The following CELSR1 variants were observed in gnomAD, a reference collection of about 807,000 sequenced individuals.
CELSR1 encodes adhesion G protein-coupled receptor C1.
In CELSR1, 110 loss-of-function variants were observed where a neutral mutation model predicts 249.1. The ratio of observed to expected loss-of-function variants is 0.44; its 90% confidence interval spans 0.38 to 0.52. The LOEUF (loss-of-function observed/expected upper bound fraction) is 0.52, where lower values mean the gene tolerates loss of function less well. Ranked by LOEUF, CELSR1 falls within the 20% of genes least tolerant of loss-of-function variation. The pLI, the probability that CELSR1 is intolerant of heterozygous loss-of-function variation, is 0.00. For missense variants in CELSR1, 4,109 were observed against 4,296.4 expected (o/e 0.96, Z 1.22); for synonymous variants, 2,113 against 1,900.0 (o/e 1.11, Z -2.92).
intron 2 of CELSR1, among the ~76,000 whole-genome samples, chr22:46,442,613 G>A (rs545989534): frequency 6.6e-6 from 1 of 152,374 alleles, no homozygotes; most frequent in South Asian, 2.1e-4. Flanking sequence ...GAGTTCAGTC[G>A]TTTTAGGAAA....
rs1483887307 is a variant in CELSR1, at chr22:46,434,716, G to T, written c.4523-1235C>A. 6.6e-6 allele frequency among the ~76,000 whole-genome samples: 1 copy of T among 152,210 alleles called. No individual in the cohort carries two copies. Among genetic ancestry groups the T allele is most frequent in the Non-Finnish European group, 1.5e-5 (1 of 68,038 alleles). ...CACTCCTGAAAGTCAAGTGTGCCAG[G>T]CTGAGCCTGGTGGCTCACATCTGTA... On this transcript the variant is annotated intron_variant, in intron 4 of 34. Coordinates refer to ENST00000674500, the MANE Select transcript of CELSR1 (RefSeq NM_001378328.1). This position sits in a 1 kb window ranked among gnomAD's most constrained non-coding sequence, Gnocchi z 4.9.
At chr22:46,416,638 G>A (rs573377017) in intron 5 of CELSR1, among the ~76,000 whole-genome samples, 1 of 152,310 alleles carries the variant, frequency 6.6e-6, no homozygotes, top group South Asian at 2.1e-4. Flanking sequence ...GCAGCCACCT[G>A]AGAAAAAACC....
In CELSR1 at chr22:46,441,365, C is replaced by T. The variant is rs959821128; in HGVS notation, c.4184-1954G>A. Among the ~76,000 whole-genome samples the T allele has an allele frequency of 3.3e-5, 5 of 152,030 alleles. No homozygotes were observed. The highest frequency in any genetic ancestry group is 5.9e-5 in the Non-Finnish European group (4 of 67,998). On this transcript the variant is annotated intron_variant, in intron 2 of 34. Transcript: ENST00000674500. This position sits in a 1 kb window ranked among gnomAD's most constrained non-coding sequence, Gnocchi z 6.1. Reference sequence around the variant, plus strand: ...CCCCGAGAGGCCTCCAACCACGCTCCGGACGGCCAGTGGGATTCACACAGC... The same window carrying T: ...CCCCGAGAGGCCTCCAACCACGCTCTGGACGGCCAGTGGGATTCACACAGC...
intron 2 of CELSR1, 142 bp downstream of exon 2, chr22:46,463,565 T>C: frequency 1.3e-6 from 1 of 772,506 alleles, no homozygotes; most frequent in Non-Finnish European, 1.9e-6. Flanking sequence ...CATCTCAAGG[T>C]TCGTGGAGCC....
Position 46,398,454 on chromosome 22 carries a change from A to C in CELSR1, c.5526+70T>G. 1 of 1,112,208 alleles carries C rather than the reference A, an allele frequency of 9.0e-7. No homozygotes were observed. Among genetic ancestry groups the C allele is most frequent in the East Asian group, 2.5e-5 (1 of 40,614 alleles). 68.9% of individuals were successfully genotyped at this position (1,112,208 alleles called of 1,614,324 possible). ...AACAGGTTGACCAACGGAACCACCTATGGTGCTGCCAGCCTCGGAGCTGCC... is the reference window on the plus strand; with the variant it reads ...AACAGGTTGACCAACGGAACCACCTCTGGTGCTGCCAGCCTCGGAGCTGCC... On this transcript the variant is annotated intron_variant, in intron 11 of 34. Transcript: ENST00000674500. The surrounding 1 kb of genome is among the most constrained non-coding windows in gnomAD (Gnocchi z 7.2).
chr22:46,492,375 C>T (rs188181797), intron 1 of CELSR1, among the ~76,000 whole-genome samples: 1 of 152,344 alleles, frequency 6.6e-6, no homozygotes, highest in African/African-American at 2.4e-5. Context: ...GATACACAGT[C>T]CTGCTTTAAT....
At position 46,527,172 on chromosome 22, in the gene CELSR1, G is replaced by A. The variant is rs762534732; in HGVS notation, c.3544+6455C>T. Among the ~76,000 whole-genome samples, 2 of 152,170 alleles carry A rather than the reference G, an allele frequency of 1.3e-5. No homozygotes were observed. The highest frequency in any genetic ancestry group is 2.9e-5 in the Non-Finnish European group (2 of 68,022). ...GTGTGGCGGCTGGAAAACTGCAAGC[G>A]ATGGGGCCTGCAGAGCCTGGGAGGG... is the stretch of plus-strand genomic sequence containing the variant. On this transcript the variant is annotated intron_variant, in intron 1 of 34. Coordinates refer to ENST00000674500, the MANE Select transcript of CELSR1 (RefSeq NM_001378328.1). This position sits in a 1 kb window ranked among gnomAD's most constrained non-coding sequence, Gnocchi z 5.5.
chr22:46,513,852 C>A (rs1367648572), intron 1 of CELSR1, among the ~76,000 whole-genome samples: 2 of 152,040 alleles, frequency 1.3e-5, no homozygotes, highest in Non-Finnish European at 2.9e-5. Context: ...AGTGCAGTGG[C>A]ACAATCTCAG....
Position 46,464,816 on chromosome 22 carries a change from T to C in CELSR1, c.3545-471A>G, listed in dbSNP as rs994519715. On this transcript the variant is annotated intron_variant, in intron 1 of 34. Transcript: ENST00000674500. This position sits in a 1 kb window ranked among gnomAD's most constrained non-coding sequence, Gnocchi z 8.5. ...ACCCTGCCCAACCTCCCAACAGTTC[T>C]TCCTGTCCTCGCAGCTCAGCTCAAA... is the stretch of plus-strand genomic sequence containing the variant. Among the ~76,000 whole-genome samples, 2 of 152,036 alleles carry C rather than the reference T, an allele frequency of 1.3e-5. No homozygotes were observed. The highest frequency in any genetic ancestry group is 2.9e-5 in the Non-Finnish European group (2 of 67,974).
At chr22:46,382,349 C>T (rs1198076790) in intron 20 of CELSR1, among the ~76,000 whole-genome samples, 1 of 152,166 alleles carries the variant, frequency 6.6e-6, no homozygotes, top group Non-Finnish European at 1.5e-5. Context: ...GCCATCTCGG[C>T]TCACTGCAAG....
intron 9 of CELSR1, among the ~76,000 whole-genome samples, chr22:46,404,858 CTT>C (rs934949874): frequency 6.6e-6 from 1 of 152,060 alleles, no homozygotes; most frequent in African/African-American, 2.4e-5. Context: ...CAGTTTCGCT[CTT>C]GTTACCCAGG....
chr22:46,363,584 G>A lies in CELSR1; in HGVS notation c.9036-337C>T. The A allele has an allele frequency of 8.3e-6, 3 of 363,060 alleles. No homozygotes were observed. The highest frequency in any genetic ancestry group is 1.5e-5 in the Non-Finnish European group (3 of 196,378). The allele number at this position is 363,060 out of a possible 1,614,324, so 22.5% of individuals were successfully genotyped here. ...GTTTGGAGGGAGGGAGGGGCGACAG[G>A]GAGAGGTCTGGGGCCAGGACCCCAG... On this transcript the variant is annotated intron_variant, in intron 34 of 34. Transcript: ENST00000674500. The surrounding 1 kb of genome is among the most constrained non-coding windows in gnomAD (Gnocchi z 4.3).
At chr22:46,385,797 C>A (rs1445636313) in intron 19 of CELSR1, among the ~76,000 whole-genome samples, 8 of 151,818 alleles carry the variant, frequency 5.3e-5, no homozygotes, top group Non-Finnish European at 1.0e-4. Context: ...CCTGCCTCAG[C>A]CTCCCGAGTA....
At position 46,440,389 on chromosome 22, in the gene CELSR1, C is replaced by T. The variant is rs1022865087; in HGVS notation, c.4184-978G>A. Among the ~76,000 whole-genome samples the T allele has an allele frequency of 2.6e-5, 4 of 152,172 alleles. No homozygotes were observed. Among genetic ancestry groups the T allele is most frequent in the Admixed American group, 6.5e-5 (1 of 15,272 alleles). ...TAATTTTTTGTATTTTTAGTAGAGA[C>T]GGGGATTCACCGTGTTAGCCAGGAT... On this transcript the variant is annotated intron_variant, in intron 2 of 34. Transcript: ENST00000674500. This position sits in a 1 kb window ranked among gnomAD's most constrained non-coding sequence, Gnocchi z 4.7.
intron 11 of CELSR1, 106 bp from the exon 12 acceptor site, chr22:46,397,954 TG>T: frequency 1.0e-6 from 1 of 977,234 alleles, no homozygotes; most frequent in Admixed American, 3.6e-5. Flanking sequence ...TCATCTGTGA[TG>T]CCTCATTTAT....
rs2080749913 is a variant in CELSR1 at position 46,527,480 on chromosome 22, G to A, written c.3544+6147C>T. ...TGCACACGTCCAGGGGGGTAGAGAA[G>A]AGTCCCAGCCCGCCCTTGCCTGCAC... On this transcript the variant is annotated intron_variant, in intron 1 of 34. Coordinates refer to ENST00000674500, the MANE Select transcript of CELSR1 (RefSeq NM_001378328.1). This position sits in a 1 kb window ranked among gnomAD's most constrained non-coding sequence, Gnocchi z 5.5. Among the ~76,000 whole-genome samples the A allele has an allele frequency of 6.6e-6, 1 of 152,166 alleles. No individual in the cohort carries two copies. Among genetic ancestry groups the A allele is most frequent in the Admixed American group, 6.5e-5 (1 of 15,278 alleles).
At chr22:46,459,133 G>A (rs954435337) in intron 2 of CELSR1, among the ~76,000 whole-genome samples, 2 of 152,016 alleles carry the variant, frequency 1.3e-5, no homozygotes, top group Non-Finnish European at 1.5e-5. Flanking sequence ...CGTGATCCAC[G>A]TGCCTCGGCC....
At position 46,389,325 on chromosome 22, in the gene CELSR1, C is replaced by T. The variant is rs996746304; in HGVS notation, c.6520G>A (p.Asp2174Asn). 25 of 1,609,194 alleles carry T rather than the reference C, an allele frequency of 1.6e-5. No homozygotes were observed. The highest frequency in any genetic ancestry group is 1.3e-4 in the East Asian group (6 of 44,898). ...TCGGCGTCCTGCGTGGCTGCCAGGT[C>T]GAAGCCCTGCTGCCAGCTCTCGTGC... The part of the protein sequence containing the change: ...LQHESWQQGF[D>N]LAATQDADFH... Residue 2174 changes from aspartate (D) to asparagine (N), a missense_variant, in exon 18 of 35, where the codon GAC becomes AAC. Physicochemically the swap from Asp to Asn is conservative, Grantham distance 23 (BLOSUM62 1). Transcript: ENST00000674500.
At chr22:46,504,763 C>G (rs1003206209) in intron 1 of CELSR1, among the ~76,000 whole-genome samples, 2 of 152,168 alleles carry the variant, frequency 1.3e-5, no homozygotes, top group African/African-American at 4.8e-5. Context: ...GTGAGGTATG[C>G]AAATCCTCCG....
Sources: gnomAD v4.1 joint callset for allele counts (sites outside exome capture counted in the v4.1 genomes callset) on GRCh38, gnomAD v4.1.1 for gene constraint, Gnocchi (gnomAD v3.1) non-coding constraint, MANE v1.5 for transcripts, NCBI Gene and HGNC (gene_info 2026-07-23, HGNC 2026-07-21) for gene names.